Variants in SEMA6D observed in about 807,000 individuals in gnomAD.
SEMA6D encodes semaphorin 6D.
Under a neutral mutation model 106.6 loss-of-function variants are expected in SEMA6D, and 35 were observed. The observed-to-expected ratio is 0.33, with a 90% confidence interval of 0.25 to 0.44. The LOEUF (loss-of-function observed/expected upper bound fraction) is 0.44, where lower values mean the gene tolerates loss of function less well. Among genes scored for constraint, SEMA6D ranks in the 20% least tolerant of loss-of-function variants. The pLI is 1.00. For missense variants in SEMA6D, 1,185 were observed against 1,345.9 expected (o/e 0.88, Z 1.87); for synonymous variants, 499 against 487.7 (o/e 1.02, Z -0.31).
chr15:47,482,456 A>G (rs1204238224), intron 3 of SEMA6D, among the ~76,000 whole-genome samples: 1 of 152,098 alleles, frequency 6.6e-6, no homozygotes, highest in Non-Finnish European at 1.5e-5. Flanking sequence ...TCCTCTGGGT[A>G]CCCTTTACTG....
At chr15:47,445,564 A>G (rs2042004825) in intron 2 of SEMA6D, among the ~76,000 whole-genome samples, 1 of 152,028 alleles carries the variant, frequency 6.6e-6, no homozygotes, top group Non-Finnish European at 1.5e-5. Context: ...TTTGAACTCT[A>G]TACTTTTGAT....
intron 1 of SEMA6D, among the ~76,000 whole-genome samples, chr15:47,270,855 T>G (rs1261419557): frequency 6.6e-6 from 1 of 151,484 alleles, no homozygotes; most frequent in African/African-American, 2.4e-5. Flanking sequence ...AAAAGCTGGA[T>G]GTGGTGGCGG....
At chr15:47,188,797 G>T (rs1216889184) in intron 1 of SEMA6D, among the ~76,000 whole-genome samples, 4 of 152,120 alleles carry the variant, frequency 2.6e-5, no homozygotes, top group Non-Finnish European at 5.9e-5. Context: ...TAGTTATTAA[G>T]GTCTAATATT....
chr15:47,188,088 A>T (rs1721750881), intron 1 of SEMA6D, among the ~76,000 whole-genome samples: 2 of 151,962 alleles, frequency 1.3e-5, no homozygotes, highest in African/African-American at 2.4e-5. Context: ...TTTTTGGGGG[A>T]TGCTGTTCTA....
intron 1 of SEMA6D, among the ~76,000 whole-genome samples, chr15:47,405,363 A>G (rs2146079221): frequency 6.6e-6 from 1 of 152,202 alleles, no homozygotes; most frequent in South Asian, 2.1e-4. Context: ...CCTGTTACAA[A>G]GTCTCATCTC....
chr15:47,765,496 T>A, intron 13 of SEMA6D: 2 of 932,634 alleles, frequency 2.1e-6, no homozygotes, highest in Non-Finnish European at 2.6e-6. Context: ...AAAAAACAAA[T>A]AAGAAATAGA....
chr15:47,576,535 C>T (rs2076158933), intron 3 of SEMA6D, among the ~76,000 whole-genome samples: 1 of 152,208 alleles, frequency 6.6e-6, no homozygotes, highest in African/African-American at 2.4e-5. Flanking sequence ...TTGTCTGAGC[C>T]TAACCCATTA....
At chr15:47,610,582 A>C (rs148051484) in intron 4 of SEMA6D, among the ~76,000 whole-genome samples, 17 of 152,318 alleles carry the variant, frequency 1.1e-4, no homozygotes, top group African/African-American at 4.1e-4. Flanking sequence ...GTGTACATTT[A>C]TCATTTTTCA....
chr15:47,541,355 C>T (rs2045347550), intron 3 of SEMA6D, among the ~76,000 whole-genome samples: 2 of 152,076 alleles, frequency 1.3e-5, no homozygotes, highest in Admixed American at 1.3e-4. Context: ...AAACAATAAT[C>T]CCCCAAAAAA....
chr15:47,277,215 A>G (rs1487964895), intron 1 of SEMA6D, among the ~76,000 whole-genome samples: 1 of 152,186 alleles, frequency 6.6e-6, no homozygotes, highest in East Asian at 1.9e-4. Flanking sequence ...TTGAAATGAC[A>G]ACAAAAGATC....
At chr15:47,458,256 G>A (rs1165696358) in intron 2 of SEMA6D, among the ~76,000 whole-genome samples, 2 of 151,670 alleles carry the variant, frequency 1.3e-5, no homozygotes. Flanking sequence ...CATATATGCG[G>A]TAGTATGAGA....
At chr15:47,566,326 T>C (rs2046228361) in intron 3 of SEMA6D, among the ~76,000 whole-genome samples, 1 of 152,210 alleles carries the variant, frequency 6.6e-6, no homozygotes, top group Admixed American at 6.5e-5. Context: ...AGATTCCTTC[T>C]TCCAGTAGTA....
chr15:47,617,616 CTCTT>C (rs1156642429), intron 4 of SEMA6D, among the ~76,000 whole-genome samples: 2 of 152,112 alleles, frequency 1.3e-5, no homozygotes, highest in African/African-American at 2.4e-5. Context: ...AGAACATTCT[CTCTT>C]TCTTTGAGAA....
intron 4 of SEMA6D, among the ~76,000 whole-genome samples, chr15:47,620,695 T>A (rs1217257405): frequency 8.4e-6 from 1 of 118,918 alleles, no homozygotes; most frequent in Non-Finnish European, 2.0e-5. Context: ...GCCTTTAAAA[T>A]ATATATATAT....
chr15:47,628,991 C>T (rs1250225062), intron 4 of SEMA6D, among the ~76,000 whole-genome samples: 4 of 152,018 alleles, frequency 2.6e-5, no homozygotes, highest in Non-Finnish European at 5.9e-5. Flanking sequence ...TGATGAAAAG[C>T]CTGTCCTTCC....
At chr15:47,610,096 A>AGGTTAAAG (rs2076866326) in intron 4 of SEMA6D, among the ~76,000 whole-genome samples, 1 of 152,218 alleles carries the variant, frequency 6.6e-6, no homozygotes, top group African/African-American at 2.4e-5. Flanking sequence ...GGGTCTTACT[A>AGGTTAAAG]AGGAAGTATT....
At chr15:47,330,554 C>G (rs2037303824) in intron 1 of SEMA6D, among the ~76,000 whole-genome samples, 2 of 152,314 alleles carry the variant, frequency 1.3e-5, no homozygotes, top group Non-Finnish European at 2.9e-5. Flanking sequence ...AGCCATAGTT[C>G]ATGGTGTTAA....
rs544295856 is a variant in SEMA6D, at chr15:47,524,672, A to G, written c.-87+54127A>G. ...ACAGAACTACAGTATCAAGATTTTCATTAATGCAAGGAAGTCTCTTCTTCA... is the reference window on the plus strand; with the variant it reads ...ACAGAACTACAGTATCAAGATTTTCGTTAATGCAAGGAAGTCTCTTCTTCA... On this transcript the variant is annotated intron_variant, in intron 3 of 19. Coordinates refer to the SEMA6D transcript ENST00000558014. Among the ~76,000 whole-genome samples the G allele has an allele frequency of 1.2e-4, 18 of 152,322 alleles. No individual in the cohort carries two copies. The South Asian group carries it at 3.7e-3, about 32-fold the overall frequency.
At position 47,703,513 on chromosome 15, in the gene SEMA6D, A is replaced by G. The variant is rs1048488957; in HGVS notation, c.-54-56232A>G. On this transcript the variant is annotated intron_variant, in intron 4 of 19. Transcript: ENST00000558014. Reference sequence around the variant, plus strand: ...TTCACGTGCATCACTATTCCTGTGGAAAAAAAAATGAAAGGAACCCACTAC... The same window carrying G: ...TTCACGTGCATCACTATTCCTGTGGGAAAAAAAATGAAAGGAACCCACTAC... Among the ~76,000 whole-genome samples the G allele has an allele frequency of 1.1e-4, 16 of 151,560 alleles. No homozygotes were observed. In the South Asian group the frequency reaches 1.3e-3, roughly 12 times the overall value.
Sources: allele counts gnomAD v4.1 joint callset (sites outside exome capture counted in the v4.1 genomes callset), GRCh38; gene constraint gnomAD v4.1.1; transcripts MANE v1.5; gene names NCBI Gene and HGNC (gene_info 2026-07-23, HGNC 2026-07-21).